Variants in GRIK2 observed in about 807,000 individuals in gnomAD.
The protein encoded by GRIK2 is glutamate receptor ionotropic, kainate 2.
Under a neutral mutation model 100.3 loss-of-function variants are expected in GRIK2, and 32 were observed. That is an observed-to-expected ratio of 0.32 (90% CI 0.24 to 0.43). GRIK2 has a LOEUF of 0.43. Among genes scored for constraint, GRIK2 ranks in the 20% least tolerant of loss-of-function variants. The pLI is 1.00. For missense variants in GRIK2, 843 were observed against 1,114.9 expected, an observed-to-expected ratio of 0.76 and a Z score of 3.47; for synonymous variants, 417 against 389.4, an observed-to-expected ratio of 1.07 and a Z score of -0.83.
intron 15 of GRIK2, among the ~76,000 whole-genome samples, chr6:102,042,302 A>G (rs1366271770): frequency 6.6e-6 from 1 of 151,686 alleles, no homozygotes; most frequent in East Asian, 1.9e-4. Context: ...TGACCAATCT[A>G]CAAGAATTTC....
At chr6:101,458,121 A>G (rs919577718) in intron 2 of GRIK2, among the ~76,000 whole-genome samples, 16 of 151,828 alleles carry the variant, frequency 1.1e-4, no homozygotes, top group African/African-American at 3.9e-4. Flanking sequence ...TAGATAGTTT[A>G]TTATTGCTAT....
At chr6:101,566,639 A>G (rs12663693) in intron 2 of GRIK2, among the ~76,000 whole-genome samples, 19,832 of 151,546 alleles carry the variant, frequency 0.13, 1,519 homozygotes, top group South Asian at 0.33. Context: ...AAATGAAAAA[A>G]TTTCAAATAT....
chr6:101,762,137 C>T (rs1042610353), intron 7 of GRIK2, among the ~76,000 whole-genome samples: 42 of 141,070 alleles, frequency 3.0e-4, no homozygotes, highest in African/African-American at 1.2e-3. Context: ...TTCCTTCCTC[C>T]CTCCCTTCCT....
intron 7 of GRIK2, among the ~76,000 whole-genome samples, chr6:101,735,122 A>C (rs552658007): frequency 1.3e-5 from 2 of 152,282 alleles, no homozygotes; most frequent in South Asian, 4.1e-4. Flanking sequence ...TTTTAGGTTT[A>C]TGAAGTTTAA....
chr6:102,050,408 C>T (rs1219685117), intron 15 of GRIK2, among the ~76,000 whole-genome samples: 2 of 151,984 alleles, frequency 1.3e-5, no homozygotes, highest in East Asian at 3.9e-4. Context: ...AATCCCAGCA[C>T]TTTGGGAGGC....
intron 14 of GRIK2, among the ~76,000 whole-genome samples, chr6:101,940,099 C>T (rs1056408678): frequency 1.3e-5 from 2 of 152,126 alleles, no homozygotes; most frequent in Admixed American, 6.6e-5. Context: ...TTCAGATAAA[C>T]AGCAAAAGTT....
chr6:101,479,840 T>C (rs899621373), intron 2 of GRIK2, among the ~76,000 whole-genome samples: 3 of 152,188 alleles, frequency 2.0e-5, no homozygotes, highest in Admixed American at 6.5e-5. Context: ...CTTTATCCTT[T>C]GAATTATTTT....
chr6:101,470,512 C>G (rs556686436), intron 2 of GRIK2, among the ~76,000 whole-genome samples: 1 of 152,128 alleles, frequency 6.6e-6, no homozygotes, highest in Non-Finnish European at 1.5e-5. Context: ...CTCTTCTGAG[C>G]GAATCCTTCA....
intron 14 of GRIK2, among the ~76,000 whole-genome samples, chr6:101,965,094 G>A (rs992980319): frequency 1.3e-5 from 2 of 152,028 alleles, no homozygotes; most frequent in Non-Finnish European, 2.9e-5. Context: ...TGGAAACTGA[G>A]TCAAGGGTGA....
At chr6:102,003,627 T>G (rs1329981711) in intron 14 of GRIK2, among the ~76,000 whole-genome samples, 1 of 151,852 alleles carries the variant, frequency 6.6e-6, no homozygotes, top group African/African-American at 2.4e-5. Flanking sequence ...AAGCTGTCCT[T>G]GCATGACAAA....
At chr6:101,635,476 A>T (rs963238980) in intron 4 of GRIK2, among the ~76,000 whole-genome samples, 4 of 152,202 alleles carry the variant, frequency 2.6e-5, no homozygotes, top group African/African-American at 9.6e-5. Context: ...CACCAAAAGC[A>T]ATGGCAACAG....
intron 3 of GRIK2, among the ~76,000 whole-genome samples, chr6:101,623,182 C>T (rs958455369): frequency 6.6e-6 from 1 of 151,816 alleles, no homozygotes; most frequent in African/African-American, 2.4e-5. Flanking sequence ...TGTTTAAGCT[C>T]ATTAATATTA....
At chr6:101,964,803 G>A (rs2128483834) in intron 14 of GRIK2, among the ~76,000 whole-genome samples, 1 of 152,238 alleles carries the variant, frequency 6.6e-6, no homozygotes, top group East Asian at 1.9e-4. Context: ...ATGGATCCTA[G>A]GCAGGGAGAA....
chr6:101,825,979 C>A (rs916491254), intron 10 of GRIK2, among the ~76,000 whole-genome samples: 1 of 152,080 alleles, frequency 6.6e-6, no homozygotes, highest in Non-Finnish European at 1.5e-5. Flanking sequence ...GCTCCACATG[C>A]ATCAAACCTC....
intron 4 of GRIK2, among the ~76,000 whole-genome samples, chr6:101,675,227 G>C (rs1770735060): frequency 6.6e-6 from 1 of 151,534 alleles, no homozygotes; most frequent in South Asian, 2.1e-4. Context: ...TTTTCAAAAA[G>C]GTTAAGTAAC....
chr6:101,903,664 G>A (rs575157567), intron 12 of GRIK2, among the ~76,000 whole-genome samples: 1 of 151,664 alleles, frequency 6.6e-6, no homozygotes, highest in East Asian at 1.9e-4. Flanking sequence ...TATTTTAAGT[G>A]ATGCTACCAA....
At chr6:101,679,000 C>T (rs1330559148) in intron 5 of GRIK2, among the ~76,000 whole-genome samples, 1 of 152,034 alleles carries the variant, frequency 6.6e-6, no homozygotes, top group East Asian at 1.9e-4. Context: ...GCATGCATGC[C>T]TCCATAGCAG....
intron 14 of GRIK2, among the ~76,000 whole-genome samples, chr6:101,931,900 A>T (rs1582561689): frequency 1.3e-5 from 2 of 152,210 alleles, no homozygotes; most frequent in Middle Eastern, 6.8e-3. Flanking sequence ...CCTACTTGGA[A>T]TCTGGGAATT....
Position 101,626,604 on chromosome 6 carries a change from A to G in GRIK2, c.508A>G (p.Lys170Glu), listed in dbSNP as rs772458402. ...ILDLVQFFKWKTVTVVYDDST... is the reference protein window; with the variant it reads ...ILDLVQFFKWETVTVVYDDST... ...AGACCTGGTGCAGTTTTTCAAGTGG[A>G]AAACCGTCACGGTTGTGTATGATGA... The change falls in exon 4 of 17, where the codon AAA becomes GAA. Residue 170 changes from lysine to glutamate, a missense_variant. Lys to Glu is a moderately conservative substitution (Grantham distance 56). Around this residue, in one of 3 missense-constraint regions of GRIK2, gnomAD observed 519 missense variants for 643.8 expected, o/e 0.81. Coordinates refer to ENST00000369134, the MANE Select transcript of GRIK2 (RefSeq NM_021956.5). 2 of 1,613,946 alleles carry G rather than the reference A, an allele frequency of 1.2e-6. No homozygotes were observed. The highest frequency in any genetic ancestry group is 1.7e-6 in the Non-Finnish European group (2 of 1,179,844).
Sources: gnomAD v4.1 joint callset for allele counts (sites outside exome capture counted in the v4.1 genomes callset) on GRCh38, gnomAD v4.1.1 for gene constraint, gnomAD v4.1.1 regional missense constraint, MANE v1.5 for transcripts, NCBI Gene and HGNC (gene_info 2026-07-23, HGNC 2026-07-21) for gene names.